DTWD2: variants seen among roughly 807,000 people sequenced by gnomAD.
DTWD2 encodes DTW motif tRNA-uridine aminocarboxypropyltransferase 2.
DTWD2 carries 39 observed loss-of-function variants against 31.8 expected under a neutral mutation model. The ratio of observed to expected loss-of-function variants is 1.22; its 90% CI spans 0.95 to 1.60. DTWD2 has a LOEUF of 1.60. Among genes scored for constraint, DTWD2 ranks in the 40% most tolerant of loss-of-function variants. The pLI is 0.00. For missense variants in DTWD2, 515 were observed against 381.5 expected, an observed-to-expected ratio of 1.35 and a Z score of -2.92; for synonymous variants, 180 against 142.8, an observed-to-expected ratio of 1.26 and a Z score of -1.86.
intron 4 of DTWD2, among the ~76,000 whole-genome samples, chr5:118,853,987 A>G (rs1752072535): frequency 6.6e-6 from 1 of 152,212 alleles, no homozygotes; most frequent in Non-Finnish European, 1.5e-5. Context: ...TTAAACAACT[A>G]CTTTAATCAT....
At chr5:118,869,658 C>G (rs1043938871) in intron 4 of DTWD2, among the ~76,000 whole-genome samples, 4 of 152,148 alleles carry the variant, frequency 2.6e-5, no homozygotes, top group Non-Finnish European at 5.9e-5. Flanking sequence ...ACAATTTGGT[C>G]AGATTTTAAT....
chr5:118,852,328 C>T (rs1052422973), intron 4 of DTWD2, among the ~76,000 whole-genome samples: 29 of 152,168 alleles, frequency 1.9e-4, no homozygotes, highest in Non-Finnish European at 1.5e-4. Context: ...ACGTGATGTA[C>T]ATCCTCAGCT....
intron 1 of DTWD2, among the ~76,000 whole-genome samples, chr5:118,965,471 G>C (rs1403257378): frequency 2.0e-5 from 3 of 151,990 alleles, no homozygotes; most frequent in Non-Finnish European, 4.4e-5. Flanking sequence ...ATGCGGTTTT[G>C]TCGAATACAA....
At chr5:118,919,777 T>C (rs958311535) in intron 4 of DTWD2, among the ~76,000 whole-genome samples, 1 of 152,220 alleles carries the variant, frequency 6.6e-6, no homozygotes, top group African/African-American at 2.4e-5. Flanking sequence ...TCTATGCTTA[T>C]ATTGAACCAA....
intron 4 of DTWD2, among the ~76,000 whole-genome samples, chr5:118,866,182 A>C (rs527683350): frequency 4.2e-4 from 64 of 152,256 alleles, no homozygotes; most frequent in African/African-American, 1.5e-3. Flanking sequence ...CTCCCACTTA[A>C]AATTAATTAG....
chr5:118,865,869 C>T (rs1752369502), intron 4 of DTWD2, among the ~76,000 whole-genome samples: 2 of 152,134 alleles, frequency 1.3e-5, no homozygotes, highest in South Asian at 4.1e-4. Flanking sequence ...ATTTGCAACA[C>T]ATACTTAAGC....
chr5:118,871,782 C>T (rs1157630107), intron 4 of DTWD2, among the ~76,000 whole-genome samples: 1 of 152,178 alleles, frequency 6.6e-6, no homozygotes, highest in Non-Finnish European at 1.5e-5. Context: ...TAAATGACCA[C>T]TGGCATCAAC....
intron 4 of DTWD2, among the ~76,000 whole-genome samples, chr5:118,928,119 T>C (rs905113040): frequency 1.3e-5 from 2 of 152,072 alleles, no homozygotes; most frequent in African/African-American, 4.8e-5. Context: ...TGACAAAAAG[T>C]ATTTAATAAA....
At chr5:118,879,940 C>G (rs958880123) in intron 4 of DTWD2, among the ~76,000 whole-genome samples, 5 of 152,116 alleles carry the variant, frequency 3.3e-5, no homozygotes, top group Admixed American at 3.3e-4. Flanking sequence ...TGCCCATGTA[C>G]CCCTAAACTT....
At chr5:118,906,203 T>C (rs953281205) in intron 4 of DTWD2, among the ~76,000 whole-genome samples, 4 of 152,164 alleles carry the variant, frequency 2.6e-5, no homozygotes, top group Admixed American at 6.5e-5. Context: ...CCAAGTGTTG[T>C]TGGAGATAAG....
intron 4 of DTWD2, among the ~76,000 whole-genome samples, chr5:118,922,545 C>T (rs1025760895): frequency 6.6e-6 from 1 of 152,052 alleles, no homozygotes; most frequent in Non-Finnish European, 1.5e-5. Flanking sequence ...TTTTAAACAA[C>T]ATTATAGATT....
At chr5:118,908,794 A>G (rs1386868593) in intron 4 of DTWD2, among the ~76,000 whole-genome samples, 1 of 152,184 alleles carries the variant, frequency 6.6e-6, no homozygotes, top group Admixed American at 6.5e-5. Context: ...TTAAACTCAA[A>G]TCACTTAAGC....
intron 2 of DTWD2, among the ~76,000 whole-genome samples, chr5:118,943,922 A>G (rs1023196173): frequency 1.2e-4 from 18 of 152,200 alleles, no homozygotes; most frequent in African/African-American, 4.3e-4. Context: ...TTTTAACTGC[A>G]TTTTACAGCA....
chr5:118,977,544 C>G (rs1227277509), intron 1 of DTWD2, among the ~76,000 whole-genome samples: 1 of 152,100 alleles, frequency 6.6e-6, no homozygotes, highest in South Asian at 2.1e-4. Context: ...GTACCAACAA[C>G]AGGCAAGCAG....
At chr5:118,929,300 C>G (rs895190605) in intron 3 of DTWD2, among the ~76,000 whole-genome samples, 2 of 152,198 alleles carry the variant, frequency 1.3e-5, no homozygotes, top group African/African-American at 4.8e-5. Context: ...AATAGGCAGA[C>G]AAGATTGAAA....
At chr5:118,978,427 G>T (rs889677424) in intron 1 of DTWD2, among the ~76,000 whole-genome samples, 1 of 152,150 alleles carries the variant, frequency 6.6e-6, no homozygotes, top group African/African-American at 2.4e-5. Flanking sequence ...ACTATCATCA[G>T]AGTGAACAGA....
At chr5:118,921,645 C>T (rs1210916703) in intron 4 of DTWD2, among the ~76,000 whole-genome samples, 1 of 152,072 alleles carries the variant, frequency 6.6e-6, no homozygotes, top group Non-Finnish European at 1.5e-5. Flanking sequence ...AGGAGGAAGA[C>T]ATTTCAAAAC....
intron 4 of DTWD2, among the ~76,000 whole-genome samples, chr5:118,860,014 G>C (rs987665695): frequency 2.0e-5 from 3 of 151,868 alleles, no homozygotes; most frequent in Non-Finnish European, 4.4e-5. Flanking sequence ...GATACGTGGG[G>C]AGCTGAGGTG....
intron 4 of DTWD2, among the ~76,000 whole-genome samples, chr5:118,856,681 A>G (rs1752141007): frequency 6.7e-6 from 1 of 150,312 alleles, no homozygotes; most frequent in African/African-American, 2.5e-5. Context: ...AATGTTTGCC[A>G]TATTTTGTAT....
Sources: gnomAD v4.1 joint callset for allele counts (sites outside exome capture counted in the v4.1 genomes callset) on GRCh38, gnomAD v4.1.1 for gene constraint, MANE v1.5 for transcripts, NCBI Gene and HGNC (gene_info 2026-07-23, HGNC 2026-07-21) for gene names.